Variants in IDO2 observed in about 807,000 individuals in gnomAD.
IDO2 encodes indoleamine 2,3-dioxygenase-like 1 protein.
Under a neutral mutation model 45.1 loss-of-function variants are expected in IDO2, and 46 were observed. The observed-to-expected ratio is 1.02, with a 90% CI of 0.80 to 1.30. The LOEUF is 1.30. Ranked by LOEUF, IDO2 falls within the 50% of genes most tolerant of loss-of-function variation. The probability of loss-of-function intolerance (pLI) is 0.00; values close to 1 mark genes in which losing one functional copy is unlikely to be tolerated. For synonymous variants in IDO2, 218 were observed against 184.9 expected (o/e 1.18, Z -1.45); for missense variants, 544 against 491.8 (o/e 1.11, Z -1.00).
intron 2 of IDO2, among the ~76,000 whole-genome samples, chr8:39,951,133 A>G (rs1296496103): frequency 6.6e-6 from 1 of 152,188 alleles, no homozygotes; most frequent in Non-Finnish European, 1.5e-5. Flanking sequence ...TCAGAAGTAG[A>G]CAAGCCTCAG....
chr8:39,982,701 T>A lies in IDO2; in HGVS notation c.365T>A (p.Leu122Ter), dbSNP rs746234677. The A allele has an allele frequency of 1.2e-6, 2 of 1,612,004 alleles. No homozygotes were observed. The highest frequency in any genetic ancestry group is 3.3e-5 in the Admixed American group (2 of 59,874). The change falls in exon 5 of 11, where the codon TTG becomes TAG. Residue 122 changes from leucine to a stop codon, truncating the protein, a stop_gained. Transcript: ENST00000502986. LOFTEE classifies it high-confidence loss of function. The stretch of plus-strand genomic sequence containing the variant: ...CCATTTGTCGAAGTCTCCAGGAACT[T>A]GGGGCTCCCTCCTATCCTGGTCCAC...
At chr8:39,943,837 C>G (rs1453828237) in intron 1 of IDO2, among the ~76,000 whole-genome samples, 1 of 151,874 alleles carries the variant, frequency 6.6e-6, no homozygotes, top group East Asian at 1.9e-4. Context: ...GACAAGCACG[C>G]CAACTCTCAC....
chr8:39,973,376 C>G (rs1222623070), intron 3 of IDO2, among the ~76,000 whole-genome samples: 5 of 152,068 alleles, frequency 3.3e-5, no homozygotes, highest in Non-Finnish European at 1.5e-5. Context: ...TAGCAATGAG[C>G]AAACCCACTG....
chr8:39,961,851 A>C (rs2543046), intron 2 of IDO2, among the ~76,000 whole-genome samples: 55,419 of 152,000 alleles, frequency 0.36, 10,600 homozygotes, highest in East Asian at 0.58. Context: ...ATCATCCTCA[A>C]TTCCTCTTCT....
At chr8:39,941,706 T>G (rs1410849390) in intron 1 of IDO2, among the ~76,000 whole-genome samples, 1 of 152,106 alleles carries the variant, frequency 6.6e-6, no homozygotes, top group Non-Finnish European at 1.5e-5. Context: ...GCTGCAAATG[T>G]CTGCATGTTT....
chr8:39,987,645 T>C, intron 6 of IDO2: 1 of 493,410 alleles, frequency 2.0e-6, no homozygotes, highest in Admixed American at 3.2e-5. Flanking sequence ...ATGCTAGACA[T>C]TGGGAGGCTG....
chr8:40,012,600 A>T (rs1234199344), intron 9 of IDO2, among the ~76,000 whole-genome samples: 2 of 152,216 alleles, frequency 1.3e-5, no homozygotes, highest in African/African-American at 4.8e-5. Context: ...TTATAAAGTC[A>T]CCCCCACAAA....
chr8:39,971,815 C>CT (rs34988083), intron 3 of IDO2, among the ~76,000 whole-genome samples: 64,842 of 149,558 alleles, frequency 0.43, 15,065 homozygotes, highest in Middle Eastern at 0.57. Context: ...CTTTTCTTTT[C>CT]TTTTTTTTTT....
chr8:39,988,582 C>G (rs1339739467), intron 7 of IDO2, among the ~76,000 whole-genome samples: 1 of 152,114 alleles, frequency 6.6e-6, no homozygotes, highest in Non-Finnish European at 1.5e-5. Flanking sequence ...CCACGCCTGG[C>G]TAATTTTTGT....
intron 9 of IDO2, among the ~76,000 whole-genome samples, chr8:40,007,238 G>A (rs1802237910): frequency 6.6e-6 from 1 of 151,924 alleles, no homozygotes; most frequent in South Asian, 2.1e-4. Context: ...GATACAGCAA[G>A]AGACATGCAA....
chr8:39,985,077 A>G, intron 5 of IDO2: 1 of 307,038 alleles, frequency 3.3e-6, no homozygotes, highest in South Asian at 2.8e-5. Flanking sequence ...GATTGCAGGC[A>G]CCTACCACCA....
At chr8:39,948,084 C>G (rs946709462) in intron 1 of IDO2, among the ~76,000 whole-genome samples, 1 of 152,184 alleles carries the variant, frequency 6.6e-6, no homozygotes, top group African/African-American at 2.4e-5. Context: ...GCCACTGCGC[C>G]CAGCCTCGAG....
chr8:39,985,380 T>A, intron 5 of IDO2, 128 bp from the exon 6 acceptor site: 1 of 772,498 alleles, frequency 1.3e-6, no homozygotes. Context: ...CTGCAGTGCC[T>A]TGCACACAAG....
exon 4 of IDO2, chr8:39,979,147 G>A: frequency 6.2e-7 from 1 of 1,601,918 alleles, no homozygotes; most frequent in Non-Finnish European, 8.5e-7. Context: ...TCCTCACCAT[G>A]GGTTATGTCT....
intron 4 of IDO2, 47 bp downstream of exon 4, chr8:39,979,233 C>T (rs1489326310): frequency 8.4e-6 from 13 of 1,551,534 alleles, no homozygotes; most frequent in African/African-American, 1.4e-5. Context: ...AGGTTACCTG[C>T]GCCTGGAGTA....
At chr8:39,994,630 G>T (rs970752584) in intron 8 of IDO2, among the ~76,000 whole-genome samples, 1 of 151,064 alleles carries the variant, frequency 6.6e-6, no homozygotes, top group Admixed American at 6.6e-5. Context: ...GCCCCAGTGG[G>T]TCCTTCTGGC....
chr8:39,998,711 G>T (rs1335108692), intron 8 of IDO2, among the ~76,000 whole-genome samples: 1 of 143,054 alleles, frequency 7.0e-6, no homozygotes, highest in Non-Finnish European at 1.5e-5. Context: ...TATGATCTCG[G>T]CTCACTACAA....
rs796212455 is a variant in IDO2, at chr8:39,946,031, C to T, written c.-17-3118C>T. Reference sequence around the variant, plus strand: ...CTGCCTTTAGTGGGACTAACATTAGCCACAAGATTAGAAACTGTGGCTTAG... The same window carrying T: ...CTGCCTTTAGTGGGACTAACATTAGTCACAAGATTAGAAACTGTGGCTTAG... On this transcript the variant is annotated intron_variant, in intron 1 of 10. Transcript: ENST00000502986. Among the ~76,000 whole-genome samples, 2 of 152,270 alleles carry T rather than the reference C, an allele frequency of 1.3e-5. 1 individual carries two copies. The highest frequency in any genetic ancestry group is 4.8e-5 in the African/African-American group (2 of 41,564).
intron 3 of IDO2, among the ~76,000 whole-genome samples, chr8:39,976,067 C>G (rs1808255372): frequency 6.6e-6 from 1 of 152,158 alleles, no homozygotes; most frequent in Admixed American, 6.5e-5. Context: ...GAAACCTCCA[C>G]CTCCCAGGTT....
Sources: allele counts gnomAD v4.1 joint callset (sites outside exome capture counted in the v4.1 genomes callset), GRCh38; gene constraint gnomAD v4.1.1; transcripts MANE v1.5; gene names NCBI Gene and HGNC (gene_info 2026-07-23, HGNC 2026-07-21).